Variants in CRIM1 observed in about 807,000 individuals in gnomAD.
CRIM1 encodes cysteine rich transmembrane BMP regulator 1, also known as cysteine-rich motor neuron 1 protein.
A neutral mutation model predicts 116.4 loss-of-function variants in CRIM1; 32 were observed. The ratio of observed to expected loss-of-function variants is 0.27; its 90% CI spans 0.21 to 0.37. The LOEUF (loss-of-function observed/expected upper bound fraction) is 0.37, where lower values mean the gene tolerates loss of function less well. Ranked by LOEUF, CRIM1 falls within the 10% of genes least tolerant of loss-of-function variation. The pLI, the probability that CRIM1 is intolerant of heterozygous loss-of-function variation, is 1.00. For missense variants in CRIM1, 1,331 were observed against 1,354.8 expected, an observed-to-expected ratio of 0.98 and a Z score of 0.28; for synonymous variants, 590 against 509.2, an observed-to-expected ratio of 1.16 and a Z score of -2.13.
chr2:36,534,066 T>G (rs1171258819), intron 13 of CRIM1, among the ~76,000 whole-genome samples: 170 of 55,846 alleles, frequency 3.0e-3, no homozygotes, highest in Admixed American at 5.8e-3. Flanking sequence ...GGAAGGAAGG[T>G]GAGGGAGTGG....
intron 8 of CRIM1, among the ~76,000 whole-genome samples, chr2:36,502,703 A>G (rs539936707): frequency 6.6e-6 from 1 of 152,310 alleles, no homozygotes; most frequent in South Asian, 2.1e-4. Flanking sequence ...ACAAATGTAA[A>G]TTATTTTAAG....
At chr2:36,382,949 A>T (rs1180525035) in intron 1 of CRIM1, among the ~76,000 whole-genome samples, 1 of 152,220 alleles carries the variant, frequency 6.6e-6, no homozygotes, top group Non-Finnish European at 1.5e-5. Context: ...ATTTCCTTTT[A>T]TATCCTGAAA....
chr2:36,393,450 T>C (rs1022828430), intron 1 of CRIM1, among the ~76,000 whole-genome samples: 4 of 152,110 alleles, frequency 2.6e-5, no homozygotes, highest in Non-Finnish European at 4.4e-5. Context: ...CACAACTGCA[T>C]TGACCATACC....
intron 7 of CRIM1, among the ~76,000 whole-genome samples, chr2:36,484,264 T>C (rs1417572215): frequency 6.6e-6 from 1 of 152,226 alleles, no homozygotes; most frequent in Non-Finnish European, 1.5e-5. Flanking sequence ...TAGGTGCCAC[T>C]GCATTTCAGT....
chr2:36,491,725 A>G (rs1481115585), intron 7 of CRIM1, among the ~76,000 whole-genome samples: 1 of 152,178 alleles, frequency 6.6e-6, no homozygotes, highest in Non-Finnish European at 1.5e-5. Flanking sequence ...ACCATTTGCC[A>G]GAAGGGTAGG....
intron 13 of CRIM1, among the ~76,000 whole-genome samples, chr2:36,523,514 C>T (rs982200742): frequency 6.6e-6 from 1 of 152,214 alleles, no homozygotes; most frequent in African/African-American, 2.4e-5. Flanking sequence ...GCTGGCAGTT[C>T]TATCAAGGAC....
rs146511816 is a variant in CRIM1, at chr2:36,406,182, G to A, written c.505+9395G>A. On this transcript the variant is annotated intron_variant, in intron 2 of 16. Transcript: ENST00000280527. ...TTATATGTTCTCCAAAAATATAATTGCTGTTTACTATGAGAGTATTATATA... is the reference window on the plus strand; with the variant it reads ...TTATATGTTCTCCAAAAATATAATTACTGTTTACTATGAGAGTATTATATA... Among the ~76,000 whole-genome samples, 370 of 152,250 alleles carry A rather than the reference G, an allele frequency of 2.4e-3. 3 individuals carry two copies. The highest frequency in any genetic ancestry group is 7.2e-3 in the African/African-American group (301 of 41,546).
At chr2:36,523,333 G>A (rs1665538868) in intron 13 of CRIM1, among the ~76,000 whole-genome samples, 1 of 152,162 alleles carries the variant, frequency 6.6e-6, no homozygotes, top group Non-Finnish European at 1.5e-5. Context: ...AGTGGCCTAG[G>A]CACACAGAGT....
intron 1 of CRIM1, among the ~76,000 whole-genome samples, chr2:36,392,853 G>T (rs1052574488): frequency 6.6e-6 from 1 of 152,188 alleles, no homozygotes. Context: ...AAATAAAAGT[G>T]TCTACGATGT....
intron 2 of CRIM1, among the ~76,000 whole-genome samples, chr2:36,414,949 A>G (rs1406465241): frequency 6.6e-6 from 1 of 152,226 alleles, no homozygotes; most frequent in Non-Finnish European, 1.5e-5. Flanking sequence ...TTTTAAGATC[A>G]ACTGTGGCTG....
intron 12 of CRIM1, among the ~76,000 whole-genome samples, chr2:36,520,006 A>G (rs2125126616): frequency 6.6e-6 from 1 of 152,346 alleles, no homozygotes; most frequent in South Asian, 2.1e-4. Context: ...ACAGAAGTGT[A>G]AAGAAAAGGG....
At chr2:36,445,434 A>C (rs1287736253) in intron 4 of CRIM1, among the ~76,000 whole-genome samples, 7 of 152,178 alleles carry the variant, frequency 4.6e-5, no homozygotes, top group Admixed American at 2.6e-4. Flanking sequence ...CGTGGTCTTC[A>C]TGCTTCAACC....
intron 5 of CRIM1, among the ~76,000 whole-genome samples, chr2:36,474,995 C>T (rs1362502608): frequency 6.6e-6 from 1 of 152,140 alleles, no homozygotes; most frequent in Non-Finnish European, 1.5e-5. Context: ...GTCTTGATTA[C>T]TATAGCATTG....
chr2:36,482,339 T>C (rs1043685605), intron 7 of CRIM1, among the ~76,000 whole-genome samples: 1 of 152,206 alleles, frequency 6.6e-6, no homozygotes, highest in African/African-American at 2.4e-5. Context: ...ACACAGATTA[T>C]TTTAGTATAG....
intron 2 of CRIM1, among the ~76,000 whole-genome samples, chr2:36,428,225 C>T (rs1674608325): frequency 6.6e-6 from 1 of 152,180 alleles, no homozygotes; most frequent in Admixed American, 6.5e-5. Flanking sequence ...GCTTCTGGCC[C>T]TGCCTTGACA....
At chr2:36,476,157 A>AT (rs2125038684) in intron 5 of CRIM1, among the ~76,000 whole-genome samples, 1 of 152,284 alleles carries the variant, frequency 6.6e-6, no homozygotes, top group Admixed American at 6.5e-5. Context: ...ACTTCTAAAT[A>AT]TGGGACTATG....
intron 4 of CRIM1, among the ~76,000 whole-genome samples, chr2:36,444,838 A>G (rs981923609): frequency 2.6e-5 from 4 of 152,104 alleles, no homozygotes; most frequent in African/African-American, 4.8e-5. Flanking sequence ...CTGCATACAT[A>G]TAGGCAGCTT....
intron 7 of CRIM1, among the ~76,000 whole-genome samples, chr2:36,495,530 T>G (rs958012887): frequency 5.3e-5 from 8 of 151,000 alleles, no homozygotes; most frequent in African/African-American, 1.9e-4. Flanking sequence ...ATACTATGAT[T>G]CTAGATTCTT....
intron 13 of CRIM1, among the ~76,000 whole-genome samples, chr2:36,534,740 G>A (rs1431968035): frequency 1.3e-5 from 2 of 151,270 alleles, no homozygotes; most frequent in Non-Finnish European, 2.9e-5. Flanking sequence ...ATGGAAGGAA[G>A]GAAGGAAAGA....
Sources: allele counts gnomAD v4.1 joint callset (sites outside exome capture counted in the v4.1 genomes callset), GRCh38; gene constraint gnomAD v4.1.1; transcripts MANE v1.5; gene names NCBI Gene and HGNC (gene_info 2026-07-23, HGNC 2026-07-21).